The following SGCZ variants were observed in gnomAD, a reference collection of about 807,000 sequenced individuals.
SGCZ encodes sarcoglycan zeta.
SGCZ carries 40 observed loss-of-function variants against 41.3 expected under a neutral mutation model. The ratio of observed to expected loss-of-function variants is 0.97; its 90% CI spans 0.75 to 1.26. SGCZ has a LOEUF of 1.26. Ranked by LOEUF, SGCZ falls within the 50% of genes most tolerant of loss-of-function variation. SGCZ has a pLI of 0.00. For missense variants in SGCZ, 552 were observed against 369.8 expected (o/e 1.49, Z -4.04); for synonymous variants, 206 against 137.5 (o/e 1.50, Z -3.49).
At chr8:14,751,247 T>C (rs1010617663) in intron 1 of SGCZ, among the ~76,000 whole-genome samples, 3 of 152,184 alleles carry the variant, frequency 2.0e-5, no homozygotes, top group African/African-American at 7.2e-5. Flanking sequence ...GTTTAATGAA[T>C]CAGCAAATGA....
intron 1 of SGCZ, among the ~76,000 whole-genome samples, chr8:14,599,616 C>T (rs1307813342): frequency 2.6e-5 from 4 of 152,114 alleles, no homozygotes; most frequent in Non-Finnish European, 4.4e-5. Context: ...TGGAAAATGG[C>T]TTCTCATCTT....
At chr8:14,891,257 A>G (rs1585353826) in intron 1 of SGCZ, among the ~76,000 whole-genome samples, 1 of 152,202 alleles carries the variant, frequency 6.6e-6, no homozygotes, top group African/African-American at 2.4e-5. Context: ...CCTTCTGGAA[A>G]GGATTTGCCA....
chr8:14,402,116 C>T (rs1289453001), intron 2 of SGCZ, among the ~76,000 whole-genome samples: 1 of 152,200 alleles, frequency 6.6e-6, no homozygotes, highest in East Asian at 1.9e-4. Flanking sequence ...ATGTCCTTTG[C>T]CCACTTTTTG....
intron 1 of SGCZ, among the ~76,000 whole-genome samples, chr8:14,889,395 T>A (rs1045821803): frequency 6.6e-6 from 1 of 152,142 alleles, no homozygotes; most frequent in Admixed American, 6.6e-5. Context: ...ACCTTAATTT[T>A]GTATTGAGAA....
chr8:14,525,571 C>T (rs1015559090), intron 2 of SGCZ, among the ~76,000 whole-genome samples: 2 of 152,098 alleles, frequency 1.3e-5, no homozygotes, highest in Non-Finnish European at 2.9e-5. Flanking sequence ...TGAGATCCCA[C>T]TCTCTGCAAT....
chr8:15,039,521 G>A (rs1228134830), intron 1 of SGCZ, among the ~76,000 whole-genome samples: 1 of 152,138 alleles, frequency 6.6e-6, no homozygotes. Flanking sequence ...AGTTACAGAG[G>A]AAGAATAAGT....
intron 2 of SGCZ, among the ~76,000 whole-genome samples, chr8:14,552,744 G>A (rs1353827484): frequency 2.0e-5 from 3 of 152,030 alleles, no homozygotes; most frequent in African/African-American, 7.2e-5. Flanking sequence ...CTTGGTGTCA[G>A]CATGGGGCAA....
intron 1 of SGCZ, among the ~76,000 whole-genome samples, chr8:14,712,084 C>T (rs1015373324): frequency 2.0e-5 from 3 of 152,214 alleles, no homozygotes; most frequent in African/African-American, 7.2e-5. Context: ...GCCTGGCCAA[C>T]ATGGCGAATC....
chr8:14,489,950 C>A (rs562553319), intron 2 of SGCZ, among the ~76,000 whole-genome samples: 3 of 151,016 alleles, frequency 2.0e-5, no homozygotes, highest in Admixed American at 2.0e-4. Context: ...TCACTGCAAC[C>A]TCCGCCTCCC....
chr8:14,565,191 A>T (rs79709195), intron 1 of SGCZ, among the ~76,000 whole-genome samples: 23,788 of 152,202 alleles, frequency 0.16, 1,977 homozygotes, highest in East Asian at 0.33. Flanking sequence ...AAATGTGGAC[A>T]TTTAAAAAAT....
At chr8:14,551,513 A>G (rs1803832735) in intron 2 of SGCZ, among the ~76,000 whole-genome samples, 1 of 10,732 alleles carries the variant, frequency 9.3e-5, no homozygotes, top group Non-Finnish European at 1.5e-4. Context: ...TATATTATAT[A>G]TATTATATAT....
rs564077183 is a variant in SGCZ at position 14,134,619 on chromosome 8, C to G, written c.548-26384G>C. Among the ~76,000 whole-genome samples, 88 of 152,284 alleles carry G rather than the reference C, an allele frequency of 5.8e-4. 1 individual carries two copies. Among genetic ancestry groups the G allele is most frequent in the African/African-American group, 1.9e-3 (80 of 41,558 alleles). On this transcript the variant is annotated intron_variant, in intron 5 of 7. Coordinates refer to ENST00000382080, the MANE Select transcript of SGCZ (RefSeq NM_139167.4). ...AGAGCCACAACAAATTGTCAGGGCT[C>G]TCAAATTTAAGCACTGTTCGCTTCT...
intron 1 of SGCZ, among the ~76,000 whole-genome samples, chr8:14,786,873 A>G (rs547098711): frequency 6.6e-6 from 1 of 151,540 alleles, no homozygotes; most frequent in African/African-American, 2.4e-5. Context: ...TAGATTAAGT[A>G]AGTCTTAGAT....
chr8:14,551,074 G>A (rs986530079), intron 2 of SGCZ, among the ~76,000 whole-genome samples: 1 of 149,204 alleles, frequency 6.7e-6, no homozygotes, highest in African/African-American at 2.5e-5. Flanking sequence ...TAATGAATTT[G>A]CTCTCCCCAT....
intron 6 of SGCZ, among the ~76,000 whole-genome samples, chr8:14,105,232 C>G (rs1454207694): frequency 6.6e-6 from 1 of 151,926 alleles, no homozygotes; most frequent in Non-Finnish European, 1.5e-5. Flanking sequence ...TAGCACAGAA[C>G]TTGAGAAATA....
intron 4 of SGCZ, among the ~76,000 whole-genome samples, chr8:14,223,393 TAATA>T (rs1240656825): frequency 1.3e-5 from 2 of 152,288 alleles, no homozygotes; most frequent in South Asian, 2.1e-4. Flanking sequence ...CGGATAACTT[TAATA>T]AATAAAGACA....
At chr8:15,171,458 A>T (rs1415639211) in intron 1 of SGCZ, among the ~76,000 whole-genome samples, 3 of 152,200 alleles carry the variant, frequency 2.0e-5, no homozygotes, top group Non-Finnish European at 4.4e-5. Context: ...CTGTGCAATG[A>T]TGGAAGCACC....
At chr8:14,712,383 C>G (rs1424694910) in intron 1 of SGCZ, among the ~76,000 whole-genome samples, 2 of 152,150 alleles carry the variant, frequency 1.3e-5, no homozygotes, top group Non-Finnish European at 2.9e-5. Context: ...TCATGGAAAC[C>G]ATTTTTACAG....
intron 2 of SGCZ, among the ~76,000 whole-genome samples, chr8:14,324,446 A>T (rs928754221): frequency 6.6e-6 from 1 of 152,122 alleles, no homozygotes; most frequent in Admixed American, 6.5e-5. Context: ...TCTACCAGGG[A>T]CTAGGATTTG....
Sources: allele counts gnomAD v4.1 joint callset (sites outside exome capture counted in the v4.1 genomes callset), GRCh38; gene constraint gnomAD v4.1.1; transcripts MANE v1.5; gene names NCBI Gene and HGNC (gene_info 2026-07-23, HGNC 2026-07-21).